SEPTIN6: variants seen among roughly 807,000 people sequenced by gnomAD.
The protein encoded by SEPTIN6 is septin-6.
SEPTIN6 carries 8 observed loss-of-function variants against 33.6 expected under a neutral mutation model. The observed-to-expected ratio is 0.24, with a 90% CI of 0.14 to 0.43. The LOEUF (loss-of-function observed/expected upper bound fraction) is 0.43, where lower values mean the gene tolerates loss of function less well. Among genes scored for constraint, SEPTIN6 ranks in the 20% least tolerant of loss-of-function variants. The pLI, the probability that SEPTIN6 is intolerant of heterozygous loss-of-function variation, is 1.00. For synonymous variants in SEPTIN6, 131 were observed against 140.0 expected, an observed-to-expected ratio of 0.94 and a Z score of 0.45; for missense variants, 250 against 340.8, an observed-to-expected ratio of 0.73 and a Z score of 2.10.
chrX:119,685,525 A>G (rs751321059), intron 1 of SEPTIN6, among the ~76,000 whole-genome samples: 15 of 111,783 alleles, frequency 1.3e-4, no homozygotes, highest in Non-Finnish European at 2.6e-4. Context: ...CACCTAATCC[A>G]GCCCTTTCGT....
At chrX:119,647,243 C>A (rs6646440) in intron 5 of SEPTIN6, among the ~76,000 whole-genome samples, 4 of 108,078 alleles carry the variant, frequency 3.7e-5, no homozygotes, top group Non-Finnish European at 7.7e-5. Flanking sequence ...AAAAAAAAAA[C>A]AAAGCACAGT....
rs180875736 is a variant in SEPTIN6, at chrX:119,644,271, C to T, written c.691-3483G>A. 4.5e-5 allele frequency among the ~76,000 whole-genome samples: 5 copies of T among 111,363 alleles called. No individual in the cohort carries two copies. In the East Asian group the frequency reaches 1.4e-3, roughly 31 times the overall value. ...CCTCGGATATCAGATTTCCCAGTGT[C>T]AGAAAACTCCAACAAGAGATAGTCG... On this transcript the variant is annotated intron_variant, in intron 5 of 10. Coordinates refer to ENST00000394610, the MANE Select transcript of SEPTIN6 (RefSeq NM_145799.4).
chrX:119,637,016 A>G lies in SEPTIN6; in HGVS notation c.956+11T>C, dbSNP rs2054073280. ...CTGGGCTGGGCTGGGCTGGGCTGGC[A>G]GGAGCGGTACCTGAAGGGTTTGCTG... is the stretch of plus-strand genomic sequence containing the variant. On this transcript the variant is annotated intron_variant, in intron 7 of 10. Coordinates refer to ENST00000394610, the MANE Select transcript of SEPTIN6 (RefSeq NM_145799.4). 8.3e-7 allele frequency: 1 copy of G among 1,204,684 alleles called. No individual in the cohort carries two copies. Among genetic ancestry groups the G allele is most frequent in the Non-Finnish European group, 1.1e-6 (1 of 892,442 alleles).
downstream of SEPTIN6, chrX:119,616,498 T>G: frequency 2.0e-6 from 1 of 509,413 alleles, no homozygotes; most frequent in Admixed American, 2.5e-5. Flanking sequence ...TTTCCTGCCT[T>G]GTTAGTTAGG....
chrX:119,673,792 A>G (rs1330998102), intron 2 of SEPTIN6, among the ~76,000 whole-genome samples: 2 of 97,271 alleles, frequency 2.1e-5, no homozygotes, highest in African/African-American at 7.5e-5. Context: ...CAGTGAGCTG[A>G]TATCACGCCA....
At chrX:119,692,204 C>T (rs887723690) in intron 1 of SEPTIN6, among the ~76,000 whole-genome samples, 4 of 109,942 alleles carry the variant, frequency 3.6e-5, no homozygotes, top group African/African-American at 1.3e-4. Flanking sequence ...AGAAAGAAGC[C>T]AGCTCCACAG....
chrX:119,663,526 G>A lies in SEPTIN6; in HGVS notation c.297C>T (p.Ile99=), dbSNP rs749744461. 5 of 1,066,466 alleles carry A rather than the reference G, an allele frequency of 4.7e-6. No homozygotes were observed. The highest frequency in any genetic ancestry group is 9.4e-5 in the East Asian group (2 of 21,175). 87.9% of individuals were successfully genotyped at this position (1,066,466 alleles called of 1,213,427 possible). ...GGTCCCCAAAGCCAACTGTGCTAAC[G>A]ATCGTGAGCTTTAGCCTCACGTTGC... ...QESNVRLKLT[I]VSTVGFGDQI... Residue 99 remains isoleucine, a synonymous_variant, in exon 3 of 11, where the codon ATC becomes ATT. Transcript: ENST00000394610.
chrX:119,631,759 TTTGTAA>T (rs1276301618), intron 8 of SEPTIN6, among the ~76,000 whole-genome samples: 1 of 109,637 alleles, frequency 9.1e-6, no homozygotes, highest in African/African-American at 3.3e-5. Flanking sequence ...ATTTTTTGTA[TTTGTAA>T]TTATTTTTTT....
At chrX:119,680,340 C>CT (rs1171665709) in intron 1 of SEPTIN6, among the ~76,000 whole-genome samples, 2 of 108,811 alleles carry the variant, frequency 1.8e-5, no homozygotes, top group Non-Finnish European at 3.8e-5. Context: ...TCCGGAGTAG[C>CT]TGGGACTACA....
chrX:119,631,486 AG>A (rs1207152690), intron 8 of SEPTIN6, among the ~76,000 whole-genome samples: 1 of 111,384 alleles, frequency 9.0e-6, no homozygotes, highest in Non-Finnish European at 1.9e-5. Flanking sequence ...GGCCTAAAGC[AG>A]CTCTTACTAG....
chrX:119,685,190 G>T (rs1448653807), intron 1 of SEPTIN6, among the ~76,000 whole-genome samples: 3 of 112,065 alleles, frequency 2.7e-5, no homozygotes, highest in African/African-American at 9.7e-5. Flanking sequence ...CTACTGCATT[G>T]AAAGCAGGAT....
chrX:119,651,636 A>T (rs894954042), intron 4 of SEPTIN6, among the ~76,000 whole-genome samples: 2 of 111,702 alleles, frequency 1.8e-5, no homozygotes, highest in African/African-American at 6.5e-5. Context: ...GTGCCATTGC[A>T]CTCCAGTCTG....
chrX:119,670,530 C>T (rs1484247704), intron 2 of SEPTIN6, among the ~76,000 whole-genome samples: 1 of 93,834 alleles, frequency 1.1e-5, no homozygotes, highest in Non-Finnish European at 2.0e-5. Flanking sequence ...CACTCCACTG[C>T]AGCCTGGGTG....
chrX:119,679,556 G>A (rs1283269528), intron 1 of SEPTIN6, among the ~76,000 whole-genome samples: 1 of 111,605 alleles, frequency 9.0e-6, no homozygotes, highest in East Asian at 2.8e-4. Context: ...TTTGAGAGAT[G>A]TCTTAAGAAG....
Position 119,617,099 on chromosome X carries a change from CGTGTGTGTGTGTGTGTGTGTGTGT to C in SEPTIN6, c.*2970_*2993del, listed in dbSNP as rs55820919. On this transcript the variant is annotated 3_prime_UTR_variant, in exon 11 of 11. Coordinates refer to ENST00000394610, the MANE Select transcript of SEPTIN6 (RefSeq NM_145799.4). Reference sequence around the variant, plus strand: ...TTAAGAGAAGTGAGGGATGTGTGTACGTGTGTGTGTGTGTGTGTGTGTGTGTGTGTGTGTGTGTGTGTGTGTGTG... The same window carrying C: ...TTAAGAGAAGTGAGGGATGTGTGTACGTGTGTGTGTGTGTGTGTGTGTGTG... 87 of 692,358 alleles carry C rather than the reference CGTGTGTGTGTGTGTGTGTGTGTGT, an allele frequency of 1.3e-4. 1 individual carries two copies. Among genetic ancestry groups the C allele is most frequent in the East Asian group, 8.7e-4 (10 of 11,555 alleles). The allele number at this position is 692,358 out of a possible 1,213,427, so 57.1% of individuals were successfully genotyped here. A position where few individuals can be genotyped will look rare whatever the true frequency, so the allele number is the denominator to read the frequency against.
Position 119,618,756 on chromosome X carries a change from G to A in SEPTIN6, c.*1337C>T, listed in dbSNP as rs1374699029. On this transcript the variant is annotated 3_prime_UTR_variant, in exon 11 of 11. Coordinates refer to ENST00000394610, the MANE Select transcript of SEPTIN6 (RefSeq NM_145799.4). ...ATGGAGTCCAGTCCAGCTGTAGCGG[G>A]GAATACTATTCAGTACACAGCCATG... 8.3e-7 allele frequency: 1 copy of A among 1,208,577 alleles called. No homozygotes were observed. Among genetic ancestry groups the A allele is most frequent in the South Asian group, 1.8e-5 (1 of 56,375 alleles).
At chrX:119,671,802 A>G (rs745623275) in intron 2 of SEPTIN6, among the ~76,000 whole-genome samples, 1 of 111,845 alleles carries the variant, frequency 8.9e-6, no homozygotes, top group South Asian at 3.7e-4. Context: ...GGGGAAATAT[A>G]TTCTATGCCC....
downstream of SEPTIN6, chrX:119,616,895 A>G (rs1046955888): frequency 1.2e-4 from 128 of 1,089,761 alleles, no homozygotes; most frequent in Middle Eastern, 8.9e-4. Flanking sequence ...TTGCTGGGCC[A>G]TCACCACGGG....
In SEPTIN6 at chrX:119,618,236, C is replaced by T; in HGVS notation, c.*1857G>A. 3 of 799,293 alleles carry T rather than the reference C, an allele frequency of 3.8e-6. No individual in the cohort carries two copies. The highest frequency in any genetic ancestry group is 4.5e-6 in the Non-Finnish European group (3 of 669,309). The allele number at this position is 799,293 out of a possible 1,213,427, so 65.9% of individuals were successfully genotyped here. On this transcript the variant is annotated 3_prime_UTR_variant, in exon 11 of 11. Coordinates refer to ENST00000394610, the MANE Select transcript of SEPTIN6 (RefSeq NM_145799.4). ...GCATATGGTCTTCAAAAAAATACTCCACTGTAACTTGAATTTTCCCAAGAA... is the reference window on the plus strand; with the variant it reads ...GCATATGGTCTTCAAAAAAATACTCTACTGTAACTTGAATTTTCCCAAGAA...
Sources: allele counts gnomAD v4.1 joint callset (sites outside exome capture counted in the v4.1 genomes callset), GRCh38; gene constraint gnomAD v4.1.1; transcripts MANE v1.5; gene names NCBI Gene and HGNC (gene_info 2026-07-23, HGNC 2026-07-21).